Variants in NPLOC4 observed in about 807,000 individuals in gnomAD.
NPLOC4 encodes NPL4 homolog, ubiquitin recognition factor, also known as nuclear protein localization protein 4 homolog.
Under a neutral mutation model 80.6 loss-of-function variants are expected in NPLOC4, and 18 were observed. The ratio of observed to expected loss-of-function variants is 0.22; its 90% CI spans 0.15 to 0.33. NPLOC4 has a LOEUF of 0.33. NPLOC4 is among the 10% of genes least tolerant of loss of function. NPLOC4 has a pLI of 1.00. For missense variants in NPLOC4, 540 were observed against 786.1 expected (o/e 0.69, Z 3.74); for synonymous variants, 313 against 301.5 (o/e 1.04, Z -0.39).
chr17:81,576,709 A>G (rs1037237492), intron 12 of NPLOC4, among the ~76,000 whole-genome samples: 1 of 152,230 alleles, frequency 6.6e-6, no homozygotes, highest in Non-Finnish European at 1.5e-5. Context: ...AATGAATGCC[A>G]AAAATGATGA....
At chr17:81,584,911 A>G (rs2034533255) in intron 12 of NPLOC4, among the ~76,000 whole-genome samples, 1 of 152,156 alleles carries the variant, frequency 6.6e-6, no homozygotes, top group South Asian at 2.1e-4. Flanking sequence ...TCACGCCTAT[A>G]ATCCTAGCAC....
rs896780117 is a variant in NPLOC4, at chr17:81,567,539, G to A, written c.1450-6C>T. 8 of 1,544,432 alleles carry A rather than the reference G, an allele frequency of 5.2e-6. No homozygotes were observed. Among genetic ancestry groups the A allele is most frequent in the Non-Finnish European group, 7.2e-6 (8 of 1,118,840 alleles). ...GTGGCCAAGCTATGGAAGTCCTAGA[G>A]GAATGGGAATAAACATGAATGTTCC... is the stretch of plus-strand genomic sequence containing the variant. On this transcript the variant is annotated splice_polypyrimidine_tract_variant and splice_region_variant and intron_variant, in intron 14 of 16. Transcript: ENST00000331134. The surrounding 1 kb of genome is among the most constrained non-coding windows in gnomAD (Gnocchi z 4.5).
intron 9 of NPLOC4, 24 bp from the exon 10 acceptor site, chr17:81,597,340 T>C: frequency 6.3e-7 from 1 of 1,584,104 alleles, no homozygotes; most frequent in Non-Finnish European, 8.7e-7. Flanking sequence ...AAGTAGCTTT[T>C]AAACATCTCC....
At chr17:81,578,980 G>A (rs1245988329) in intron 12 of NPLOC4, among the ~76,000 whole-genome samples, 1 of 152,198 alleles carries the variant, frequency 6.6e-6, no homozygotes, top group Non-Finnish European at 1.5e-5. Flanking sequence ...GAGTGTAGTG[G>A]TGCAATCAAA....
intron 3 of NPLOC4, among the ~76,000 whole-genome samples, chr17:81,617,127 G>C (rs907941804): frequency 6.6e-6 from 1 of 152,176 alleles, no homozygotes; most frequent in Non-Finnish European, 1.5e-5. Context: ...CGGATAGGGA[G>C]TCCTCAACCA....
At chr17:81,615,565 T>G (rs184425316) in intron 3 of NPLOC4, among the ~76,000 whole-genome samples, 1 of 152,310 alleles carries the variant, frequency 6.6e-6, no homozygotes, top group East Asian at 1.9e-4. Context: ...AACCCAGCAG[T>G]GCACTCAGAC....
intron 12 of NPLOC4, among the ~76,000 whole-genome samples, chr17:81,586,157 C>G (rs1389134708): frequency 1.3e-5 from 2 of 152,030 alleles, no homozygotes; most frequent in Admixed American, 1.3e-4. Flanking sequence ...ATAAGAAGAC[C>G]CCCAGCAAAG....
chr17:81,604,477 C>T (rs910566130), intron 8 of NPLOC4, 71 bp downstream of exon 8: 1 of 1,409,262 alleles, frequency 7.1e-7, no homozygotes, highest in Non-Finnish European at 9.7e-7. Context: ...CAGGGCAAGG[C>T]CTCTCCGAAA....
chr17:81,611,786 C>T (rs971168210), intron 4 of NPLOC4, among the ~76,000 whole-genome samples: 27 of 151,354 alleles, frequency 1.8e-4, no homozygotes, highest in African/African-American at 4.1e-4. Context: ...GGTGAAACCC[C>T]GTCTTTACTA....
intron 14 of NPLOC4, among the ~76,000 whole-genome samples, chr17:81,568,375 C>A (rs551193495): frequency 2.4e-4 from 37 of 152,344 alleles, no homozygotes; most frequent in African/African-American, 7.9e-4. Flanking sequence ...CCCAAGTCCC[C>A]TGGGCGGATG....
At position 81,622,177 on chromosome 17, in the gene NPLOC4, C is replaced by A. The variant is rs760735749; in HGVS notation, c.198G>T (p.Leu66Phe). The A allele has an allele frequency of 6.2e-7, 1 of 1,610,718 alleles. No homozygotes were observed. The highest frequency in any genetic ancestry group is 1.7e-5 in the Admixed American group (1 of 59,986). ...ITASSNKSLNLLKIKHGDLLF... is the reference protein window; with the variant it reads ...ITASSNKSLNFLKIKHGDLLF... ...CAGAGGACACTTACTTGATTTTTAGCAAGTTGAGGGATTTGTTGGAGGAGG... is the reference window on the plus strand; with the variant it reads ...CAGAGGACACTTACTTGATTTTTAGAAAGTTGAGGGATTTGTTGGAGGAGG... Residue 66 changes from leucine (L) to phenylalanine (F), a missense_variant, in exon 3 of 17, where the codon TTG (leucine) becomes TTT (phenylalanine). Leu to Phe is a conservative substitution (Grantham distance 22). Around this residue, in one of 6 missense-constraint regions of NPLOC4, gnomAD observed 62 missense variants for 84.4 expected, o/e 0.73. Transcript: ENST00000331134.
At chr17:81,581,347 GCAAAA>G (rs2034433759) in intron 12 of NPLOC4, among the ~76,000 whole-genome samples, 1 of 18,060 alleles carries the variant, frequency 5.5e-5, no homozygotes, top group African/African-American at 2.3e-4. Context: ...AGACTCCAAC[GCAAAA>G]AAAAAAAAAA....
intron 16 of NPLOC4, chr17:81,565,242 T>G (rs2144027061): frequency 3.0e-6 from 2 of 661,438 alleles, no homozygotes; most frequent in South Asian, 3.1e-5. Context: ...TGGAGATTAG[T>G]ATCTCTGATG....
chr17:81,635,572 C>T (rs2036045632), intron 1 of NPLOC4, among the ~76,000 whole-genome samples: 1 of 152,104 alleles, frequency 6.6e-6, no homozygotes, highest in Non-Finnish European at 1.5e-5. Flanking sequence ...TTCTGTCGCC[C>T]AGGGTGGAGT....
intron 3 of NPLOC4, among the ~76,000 whole-genome samples, chr17:81,617,255 A>G (rs1431958375): frequency 1.3e-5 from 2 of 152,084 alleles, no homozygotes; most frequent in African/African-American, 2.4e-5. Flanking sequence ...ATTTAGGGGG[A>G]AAAAAAATCA....
chr17:81,568,124 C>T (rs1405629245), intron 14 of NPLOC4: 1 of 146,158 alleles, frequency 6.8e-6, no homozygotes, highest in Non-Finnish European at 1.5e-5. Flanking sequence ...CAGACAGAGA[C>T]ACAAACATGG....
At chr17:81,565,700 G>T in intron 15 of NPLOC4, 93 bp from the exon 16 acceptor site, 3 of 903,260 alleles carry the variant, frequency 3.3e-6, no homozygotes, top group African/African-American at 1.7e-5. Context: ...ACATCAAGAC[G>T]TATTTCTGAG....
intron 13 of NPLOC4, among the ~76,000 whole-genome samples, chr17:81,570,308 T>C (rs992373863): frequency 2.6e-5 from 4 of 152,236 alleles, no homozygotes; most frequent in African/African-American, 9.6e-5. Context: ...ACTCGCCTCC[T>C]GGGTGCCCAG....
intron 8 of NPLOC4, among the ~76,000 whole-genome samples, chr17:81,601,151 C>T (rs1021877202): frequency 3.3e-5 from 5 of 152,194 alleles, no homozygotes; most frequent in South Asian, 2.1e-4. Flanking sequence ...ATGTAGCTTG[C>T]GGGTCATTCA....
Sources: gnomAD v4.1 joint callset for allele counts (sites outside exome capture counted in the v4.1 genomes callset) on GRCh38, gnomAD v4.1.1 for gene constraint, gnomAD v4.1.1 regional missense constraint, Gnocchi (gnomAD v3.1) non-coding constraint, MANE v1.5 for transcripts, NCBI Gene and HGNC (gene_info 2026-07-23, HGNC 2026-07-21) for gene names.